The following DLG2 variants were observed in gnomAD, a reference collection of about 807,000 sequenced individuals.
The protein encoded by DLG2 is discs large MAGUK scaffold protein 2, also known as disks large homolog 2.
Under a neutral mutation model 132.5 loss-of-function variants are expected in DLG2, and 45 were observed. The observed-to-expected ratio is 0.34, with a 90% CI of 0.27 to 0.44. The LOEUF (loss-of-function observed/expected upper bound fraction) is 0.44. Among genes scored for constraint, DLG2 ranks in the 20% least tolerant of loss-of-function variants. The pLI is 1.00. For missense variants in DLG2, 1,045 were observed against 1,196.9 expected (o/e 0.87, Z 1.87); for synonymous variants, 424 against 419.6 (o/e 1.01, Z -0.13).
chr11:84,275,226 G>A (rs1020787459), intron 7 of DLG2, among the ~76,000 whole-genome samples: 10 of 151,646 alleles, frequency 6.6e-5, no homozygotes, highest in African/African-American at 2.4e-4. Flanking sequence ...TTTAGTTTTT[G>A]GGGAAAAAAA....
chr11:83,847,333 G>A (rs976869747), intron 16 of DLG2, among the ~76,000 whole-genome samples: 7 of 152,130 alleles, frequency 4.6e-5, no homozygotes, highest in African/African-American at 7.2e-5. Flanking sequence ...TATTCTTCTT[G>A]AAGGCAAAGT....
chr11:85,598,291 C>T (rs531400701), intron 3 of DLG2, among the ~76,000 whole-genome samples: 88 of 152,106 alleles, frequency 5.8e-4, no homozygotes, highest in African/African-American at 2.1e-3. Flanking sequence ...TTATGTTACA[C>T]AATTCCTTCC....
At chr11:85,460,833 A>T (rs1282844124) in intron 3 of DLG2, among the ~76,000 whole-genome samples, 1 of 152,192 alleles carries the variant, frequency 6.6e-6, no homozygotes, top group Non-Finnish European at 1.5e-5. Flanking sequence ...AAGGTTAGAC[A>T]TCTTGTAATT....
At chr11:84,948,795 C>T (rs749174657) in intron 6 of DLG2, among the ~76,000 whole-genome samples, 14 of 152,096 alleles carry the variant, frequency 9.2e-5, no homozygotes, top group Non-Finnish European at 2.1e-4. Flanking sequence ...GTACCATGAC[C>T]TTGGTAAGTT....
At chr11:84,223,236 T>C (rs546191431) in intron 8 of DLG2, among the ~76,000 whole-genome samples, 35 of 152,130 alleles carry the variant, frequency 2.3e-4, no homozygotes, top group Admixed American at 2.0e-3. Context: ...GAGTTGAGAG[T>C]AGTCAGACCA....
chr11:85,438,238 T>G (rs2091594918), intron 3 of DLG2, among the ~76,000 whole-genome samples: 1 of 152,110 alleles, frequency 6.6e-6, no homozygotes, highest in Admixed American at 6.6e-5. Context: ...TCTGCCCCCA[T>G]GACCCAAACA....
chr11:83,932,009 C>G (rs1332249493), intron 14 of DLG2, among the ~76,000 whole-genome samples: 1 of 152,100 alleles, frequency 6.6e-6, no homozygotes, highest in African/African-American at 2.4e-5. Flanking sequence ...CATTCACTGG[C>G]TAAAGAATAG....
chr11:85,146,554 T>C (rs897336130), intron 5 of DLG2, among the ~76,000 whole-genome samples: 3 of 151,926 alleles, frequency 2.0e-5, no homozygotes, highest in African/African-American at 7.3e-5. Flanking sequence ...GAATTAAGGG[T>C]TTCAGGATCC....
intron 6 of DLG2, among the ~76,000 whole-genome samples, chr11:84,777,280 T>C (rs2070757705): frequency 1.3e-5 from 1 of 76,942 alleles, no homozygotes; most frequent in Admixed American, 1.7e-4. Flanking sequence ...TATGTGTGTG[T>C]GTATATATAT....
chr11:83,744,734 T>G (rs2092780153), intron 18 of DLG2, among the ~76,000 whole-genome samples: 2 of 152,198 alleles, frequency 1.3e-5, no homozygotes, highest in African/African-American at 4.8e-5. Context: ...CTCATGAATG[T>G]TTATGATTCA....
intron 6 of DLG2, among the ~76,000 whole-genome samples, chr11:85,042,813 T>A (rs753383511): frequency 6.6e-6 from 1 of 151,886 alleles, no homozygotes; most frequent in Non-Finnish European, 1.5e-5. Context: ...TCAAAGTCAA[T>A]TAAAATTCAT....
chr11:84,392,514 G>A (rs769341873), intron 7 of DLG2, among the ~76,000 whole-genome samples: 1 of 152,136 alleles, frequency 6.6e-6, no homozygotes, highest in Non-Finnish European at 1.5e-5. Context: ...TCATACTTAC[G>A]ATGTTCAAGG....
At chr11:83,999,346 C>T (rs1446921132) in intron 11 of DLG2, among the ~76,000 whole-genome samples, 1 of 152,154 alleles carries the variant, frequency 6.6e-6, no homozygotes, top group Non-Finnish European at 1.5e-5. Context: ...CTGCATGTAC[C>T]ACCTGTGGGC....
intron 3 of DLG2, among the ~76,000 whole-genome samples, chr11:85,550,660 A>G (rs2076612628): frequency 6.6e-6 from 1 of 152,214 alleles, no homozygotes; most frequent in African/African-American, 2.4e-5. Flanking sequence ...TCTTGCTTCA[A>G]AGGCAGAAAC....
chr11:83,559,536 A>G (rs2096575618), intron 19 of DLG2, among the ~76,000 whole-genome samples: 1 of 152,188 alleles, frequency 6.6e-6, no homozygotes, highest in Non-Finnish European at 1.5e-5. Flanking sequence ...GACAGATTTA[A>G]GTTATTGGTC....
intron 15 of DLG2, among the ~76,000 whole-genome samples, chr11:83,927,426 C>G (rs1160071298): frequency 1.3e-5 from 2 of 152,118 alleles, no homozygotes; most frequent in Admixed American, 1.3e-4. Context: ...GCAATTTAAG[C>G]TTGGATCTAA....
chr11:84,807,308 T>C (rs1373887953), intron 6 of DLG2, among the ~76,000 whole-genome samples: 2 of 151,948 alleles, frequency 1.3e-5, no homozygotes, highest in African/African-American at 4.8e-5. Flanking sequence ...TAGTCAGGCA[T>C]GGTGGTGGGT....
At chr11:84,873,464 A>G (rs531581915) in intron 6 of DLG2, among the ~76,000 whole-genome samples, 30 of 152,338 alleles carry the variant, frequency 2.0e-4, no homozygotes, top group African/African-American at 6.3e-4. Flanking sequence ...GTTGTTTTAA[A>G]CCACTGAGTT....
intron 16 of DLG2, among the ~76,000 whole-genome samples, chr11:83,837,915 G>T (rs952293189): frequency 7.2e-5 from 11 of 152,100 alleles, no homozygotes; most frequent in South Asian, 4.2e-4. Context: ...GAGAAATGGG[G>T]ATACATTTTA....
Sources: allele counts gnomAD v4.1 joint callset (sites outside exome capture counted in the v4.1 genomes callset), GRCh38; gene constraint gnomAD v4.1.1; transcripts MANE v1.5; gene names NCBI Gene and HGNC (gene_info 2026-07-23, HGNC 2026-07-21).